ABHD3: variants seen among roughly 807,000 people sequenced by gnomAD.
The protein encoded by ABHD3 is abhydrolase domain containing 3, phospholipase.
A neutral mutation model predicts 48.8 loss-of-function variants in ABHD3; 46 were observed. The ratio of observed to expected loss-of-function variants is 0.94; its 90% confidence interval spans 0.74 to 1.20. The LOEUF is 1.20. ABHD3 is among the 50% of genes most tolerant of loss of function. The pLI is 0.00. For synonymous variants in ABHD3, 192 were observed against 183.7 expected, an observed-to-expected ratio of 1.04 and a Z score of -0.36; for missense variants, 490 against 497.8, an observed-to-expected ratio of 0.98 and a Z score of 0.15.
At chr18:21,693,542 A>G (rs2040300708) in intron 3 of ABHD3, among the ~76,000 whole-genome samples, 1 of 152,190 alleles carries the variant, frequency 6.6e-6, no homozygotes, top group South Asian at 2.1e-4. Flanking sequence ...CAACTCTGAT[A>G]AAAAGAGCTT....
chr18:21,670,227 TCA>T (rs2039726264), intron 4 of ABHD3, among the ~76,000 whole-genome samples: 1 of 151,898 alleles, frequency 6.6e-6, no homozygotes, highest in African/African-American at 2.4e-5. Context: ...AGGCCCCCAG[TCA>T]CAGAGATGCA....
intron 3 of ABHD3, 141 bp from the exon 4 acceptor site, chr18:21,684,106 T>C (rs925351023): frequency 1.5e-6 from 1 of 654,100 alleles, no homozygotes; most frequent in African/African-American, 1.8e-5. Context: ...GTTTGGCAAT[T>C]TCATCTAAAT....
At chr18:21,700,827 C>CA (rs375239917) in intron 3 of ABHD3, among the ~76,000 whole-genome samples, 22,541 of 93,828 alleles carry the variant, frequency 0.24, 2,806 homozygotes, top group East Asian at 0.49. Flanking sequence ...AAGTTTTAGC[C>CA]AAAAAAAAAA....
At chr18:21,684,756 T>C (rs1215754248) in intron 3 of ABHD3, among the ~76,000 whole-genome samples, 1 of 152,190 alleles carries the variant, frequency 6.6e-6, no homozygotes, top group East Asian at 1.9e-4. Flanking sequence ...CACCAGAATT[T>C]TACATGAGGT....
At position 21,664,550 on chromosome 18, in the gene ABHD3, G is replaced by A. The variant is rs2039577255; in HGVS notation, c.556-320C>T. On this transcript the variant is annotated intron_variant, in intron 4 of 8. Coordinates refer to ENST00000289119, the MANE Select transcript of ABHD3 (RefSeq NM_138340.5). Reference sequence around the variant, plus strand: ...CAAACGTGTCTCCAACTTAACCAGAGCAGTTTAGGAAAAAAAGCAGAGAAC... The same window carrying A: ...CAAACGTGTCTCCAACTTAACCAGAACAGTTTAGGAAAAAAAGCAGAGAAC... The A allele has an allele frequency of 1.0e-5, 2 of 198,780 alleles. 1 individual carries two copies. The highest frequency in any genetic ancestry group is 2.0e-5 in the Non-Finnish European group (2 of 99,704). 12.3% of individuals were successfully genotyped at this position (198,780 alleles called of 1,614,324 possible).
chr18:21,667,531 G>A (rs1033178825), intron 4 of ABHD3, among the ~76,000 whole-genome samples: 6 of 152,040 alleles, frequency 3.9e-5, no homozygotes, highest in South Asian at 2.1e-4. Context: ...GTGAATCACC[G>A]CGCCCAGCCG....
intron 3 of ABHD3, among the ~76,000 whole-genome samples, chr18:21,699,869 G>A (rs1007152744): frequency 6.6e-6 from 1 of 151,958 alleles, no homozygotes; most frequent in Admixed American, 6.6e-5. Flanking sequence ...GTACAGATGG[G>A]GTTTCGCTAT....
At position 21,697,280 on chromosome 18, in the gene ABHD3, G is replaced by A. The variant is rs528942366; in HGVS notation, c.509+5036C>T. Among the ~76,000 whole-genome samples, 6 of 152,028 alleles carry A rather than the reference G, an allele frequency of 3.9e-5. No individual in the cohort carries two copies. The East Asian group carries it at 1.2e-3, about 29-fold the overall frequency. ...AGTAGAGAGGGGGTGTCACCATATT[G>A]GCAAGGCTGGTCTTGAACTCCTGAC... On this transcript the variant is annotated intron_variant, in intron 3 of 8. Transcript: ENST00000289119.
At chr18:21,678,859 A>G (rs959059039) in intron 4 of ABHD3, among the ~76,000 whole-genome samples, 6 of 152,160 alleles carry the variant, frequency 3.9e-5, no homozygotes, top group Non-Finnish European at 7.4e-5. Context: ...TCATTTCCTA[A>G]TAAGAAAGGC....
intron 4 of ABHD3, among the ~76,000 whole-genome samples, chr18:21,677,790 TC>T (rs928723765): frequency 4.9e-4 from 75 of 151,986 alleles, no homozygotes; most frequent in African/African-American, 1.8e-3. Flanking sequence ...TTCAAGCGAT[TC>T]CCCTGCCTCA....
At chr18:21,665,935 A>G (rs548318382) in intron 4 of ABHD3, among the ~76,000 whole-genome samples, 5 of 152,326 alleles carry the variant, frequency 3.3e-5, no homozygotes, top group African/African-American at 1.2e-4. Flanking sequence ...TGCCAATGAA[A>G]GAGTATGGTT....
chr18:21,682,584 A>C (rs772010378), intron 4 of ABHD3: 1 of 152,228 alleles, frequency 6.6e-6, no homozygotes, highest in Non-Finnish European at 1.5e-5. Flanking sequence ...ATTAATATGT[A>C]TATCTTCACC....
intron 4 of ABHD3, among the ~76,000 whole-genome samples, chr18:21,680,198 T>A (rs920342677): frequency 1.3e-5 from 2 of 151,784 alleles, no homozygotes; most frequent in Admixed American, 6.6e-5. Flanking sequence ...GTATTTTTAG[T>A]AGAGACAGGG....
intron 3 of ABHD3, among the ~76,000 whole-genome samples, chr18:21,701,017 GAAT>G (rs1033818412): frequency 1.3e-5 from 2 of 149,422 alleles, no homozygotes; most frequent in African/African-American, 4.9e-5. Context: ...CTTAAACATG[GAAT>G]AATGATGAAT....
At position 21,651,423 on chromosome 18, in the gene ABHD3, C is replaced by G. The variant is rs2146272516; in HGVS notation, c.*168G>C. 3.2e-6 allele frequency: 2 copies of G among 623,960 alleles called. No individual in the cohort carries two copies. Among genetic ancestry groups the G allele is most frequent in the South Asian group, 5.2e-5 (2 of 38,280 alleles). The allele number at this position is 623,960 out of a possible 1,614,324, so 38.7% of individuals were successfully genotyped here. Reference sequence around the variant, plus strand: ...ATCTAATACTATATTTAATTTGTTGCTACAAAGTTGTTTTGTTTCTCTAAA... The same window carrying G: ...ATCTAATACTATATTTAATTTGTTGGTACAAAGTTGTTTTGTTTCTCTAAA... On this transcript the variant is annotated 3_prime_UTR_variant, in exon 9 of 9. Transcript: ENST00000289119.
intron 2 of ABHD3, among the ~76,000 whole-genome samples, chr18:21,703,158 A>C (rs557236776): frequency 1.3e-5 from 2 of 151,820 alleles, no homozygotes; most frequent in South Asian, 4.2e-4. Context: ...TGTCAATAGG[A>C]AGTCATTTTA....
chr18:21,663,619 G>C, intron 5 of ABHD3: 1 of 1,496,474 alleles, frequency 6.7e-7, no homozygotes, highest in South Asian at 1.2e-5. Flanking sequence ...GTTTCTAGGA[G>C]AGCACTCCAC....
At chr18:21,651,912 A>T in intron 8 of ABHD3, 149 bp from the exon 9 acceptor site, 2 of 681,972 alleles carry the variant, frequency 2.9e-6, no homozygotes, top group Non-Finnish European at 4.6e-6. Context: ...TAATGAGCAT[A>T]GTTAAATGGA....
intron 3 of ABHD3, among the ~76,000 whole-genome samples, chr18:21,684,485 AT>A (rs1049513623): frequency 4.7e-5 from 7 of 149,896 alleles, no homozygotes; most frequent in Admixed American, 1.3e-4. Context: ...TGCGCGGCTA[AT>A]TTTTTTTTGT....
Sources: gnomAD v4.1 joint callset for allele counts (sites outside exome capture counted in the v4.1 genomes callset) on GRCh38, gnomAD v4.1.1 for gene constraint, MANE v1.5 for transcripts, NCBI Gene and HGNC (gene_info 2026-07-23, HGNC 2026-07-21) for gene names.